ZSWIM5: variants seen among roughly 807,000 people sequenced by gnomAD.
The protein encoded by ZSWIM5 is zinc finger SWIM-type containing 5.
In ZSWIM5, 55 loss-of-function variants were observed where a neutral mutation model predicts 119.6. The ratio of observed to expected loss-of-function variants is 0.46; its 90% CI spans 0.37 to 0.58. The LOEUF is 0.58. Among genes scored for constraint, ZSWIM5 ranks in the 20% least tolerant of loss-of-function variants. The pLI is 0.00. For missense variants in ZSWIM5, 1,193 were observed against 1,512.8 expected (o/e 0.79, Z 3.51); for synonymous variants, 537 against 606.9 (o/e 0.88, Z 1.69).
At chr1:45,073,700 C>T (rs1334753617) in intron 2 of ZSWIM5, among the ~76,000 whole-genome samples, 1 of 151,790 alleles carries the variant, frequency 6.6e-6, no homozygotes, top group African/African-American at 2.4e-5. Flanking sequence ...TGACTTCTTC[C>T]TTTCCAATTT....
At chr1:45,174,897 TG>T (rs2149046522) in intron 1 of ZSWIM5, among the ~76,000 whole-genome samples, 1 of 152,228 alleles carries the variant, frequency 6.6e-6, no homozygotes, top group Admixed American at 6.5e-5. Context: ...ACTTTTTTTG[TG>T]TATTTCCTTC....
intron 1 of ZSWIM5, among the ~76,000 whole-genome samples, chr1:45,164,413 C>T (rs1165208031): frequency 9.9e-5 from 15 of 151,990 alleles, no homozygotes; most frequent in African/African-American, 2.9e-4. Context: ...CTACATCAAC[C>T]AACAAGCAAA....
chr1:45,148,288 G>A (rs1248061107), intron 1 of ZSWIM5, among the ~76,000 whole-genome samples: 1 of 151,994 alleles, frequency 6.6e-6, no homozygotes, highest in Non-Finnish European at 1.5e-5. Context: ...ATCAAAATTA[G>A]GCCTTCAAAG....
chr1:45,150,589 G>C (rs1049683900), intron 1 of ZSWIM5, among the ~76,000 whole-genome samples: 5 of 152,040 alleles, frequency 3.3e-5, no homozygotes, highest in African/African-American at 1.2e-4. Context: ...CCACCTTCCA[G>C]CTCCCCTTTC....
At chr1:45,201,971 A>G (rs1646160844) in intron 1 of ZSWIM5, among the ~76,000 whole-genome samples, 1 of 152,140 alleles carries the variant, frequency 6.6e-6, no homozygotes, top group African/African-American at 2.4e-5. Flanking sequence ...ACAAGCACTT[A>G]TTGAACATTA....
At position 45,043,234 on chromosome 1, in the gene ZSWIM5, G is replaced by T; in HGVS notation, c.1594C>A (p.Gln532Lys). 2 of 1,613,674 alleles carry T rather than the reference G, an allele frequency of 1.2e-6. No individual in the cohort carries two copies. The highest frequency in any genetic ancestry group is 1.7e-6 in the Non-Finnish European group (2 of 1,179,920). ...SERLLFNSQG[Q>K]PLWLEHVPTA... ...CTAGACTTACCAAGCCACAGTGGCT[G>T]GCCTTGGGAATTAAAGAGTAGTCTT... The change falls in exon 6 of 14, where the codon CAG becomes AAG. Residue 532 changes from glutamine to lysine, a missense_variant. By Grantham distance (53) the Gln-to-Lys change is moderately conservative (BLOSUM62 1). Transcript: ENST00000359600.
intron 1 of ZSWIM5, among the ~76,000 whole-genome samples, chr1:45,089,150 T>C (rs2149012145): frequency 6.6e-6 from 1 of 152,220 alleles, no homozygotes; most frequent in South Asian, 2.1e-4. Context: ...GTGACTCATT[T>C]TTGTATTTTT....
intron 1 of ZSWIM5, among the ~76,000 whole-genome samples, chr1:45,091,239 C>A (rs527252917): frequency 6.6e-6 from 1 of 152,124 alleles, no homozygotes; most frequent in African/African-American, 2.4e-5. Context: ...TAATTTCCCT[C>A]GGGCCATTCA....
chr1:45,085,672 A>G (rs1250775774), intron 2 of ZSWIM5, among the ~76,000 whole-genome samples: 1 of 151,962 alleles, frequency 6.6e-6, no homozygotes, highest in Non-Finnish European at 1.5e-5. Context: ...CACAGATCCC[A>G]AGGGCAGGGG....
intron 1 of ZSWIM5, among the ~76,000 whole-genome samples, chr1:45,175,766 AC>A (rs995736895): frequency 1.3e-5 from 2 of 151,550 alleles, no homozygotes; most frequent in African/African-American, 4.9e-5. Flanking sequence ...AAAAAAAAAA[AC>A]CATTGACACA....
chr1:45,122,646 A>G (rs1298169487), intron 1 of ZSWIM5, among the ~76,000 whole-genome samples: 1 of 152,208 alleles, frequency 6.6e-6, no homozygotes, highest in Non-Finnish European at 1.5e-5. Context: ...GGAGGTGTGA[A>G]TAAGCCTGCA....
intron 1 of ZSWIM5, among the ~76,000 whole-genome samples, chr1:45,127,985 G>C (rs145754641): frequency 1.3e-5 from 2 of 152,130 alleles, no homozygotes; most frequent in Admixed American, 6.5e-5. Context: ...AGAAAACATA[G>C]ATCTAAATAA....
At chr1:45,203,344 T>C (rs1646168970) in intron 1 of ZSWIM5, among the ~76,000 whole-genome samples, 2 of 151,986 alleles carry the variant, frequency 1.3e-5, no homozygotes, top group African/African-American at 4.8e-5. Flanking sequence ...TGAAGGCTTT[T>C]TTGTTTGTGC....
intron 11 of ZSWIM5, among the ~76,000 whole-genome samples, chr1:45,026,921 C>A (rs1290244198): frequency 6.6e-6 from 1 of 151,544 alleles, no homozygotes; most frequent in African/African-American, 2.4e-5. Context: ...TTATTTATTT[C>A]TCCTTCTGTG....
At chr1:45,123,765 CCCCAAAGAGGATTATA>C in intron 1 of ZSWIM5, among the ~76,000 whole-genome samples, 1 of 152,196 alleles carries the variant, frequency 6.6e-6, no homozygotes, top group South Asian at 2.1e-4. Flanking sequence ...GCTGAATAAA[CCCCAAAGAGGATTATA>C]CCCAAAGAAA....
At chr1:45,097,008 T>C (rs1445740587) in intron 1 of ZSWIM5, among the ~76,000 whole-genome samples, 1 of 152,212 alleles carries the variant, frequency 6.6e-6, no homozygotes, top group East Asian at 1.9e-4. Context: ...CACAGGCTCC[T>C]AACAACCAAG....
At chr1:45,205,726 G>T in intron 1 of ZSWIM5, 30 bp downstream of exon 1, 1 of 1,520,288 alleles carries the variant, frequency 6.6e-7, no homozygotes, top group East Asian at 2.7e-5. Context: ...AGGAGGCTGA[G>T]GACCCGAGAA....
intron 1 of ZSWIM5, among the ~76,000 whole-genome samples, chr1:45,155,702 A>G (rs1645822980): frequency 6.6e-6 from 1 of 152,242 alleles, no homozygotes; most frequent in African/African-American, 2.4e-5. Context: ...ACACGCAGCC[A>G]TAAAAAGGAA....
chr1:45,039,153 C>A (rs1645003721), intron 7 of ZSWIM5, 80 bp from the exon 8 acceptor site: 2 of 1,524,334 alleles, frequency 1.3e-6, no homozygotes, highest in African/African-American at 2.7e-5. Flanking sequence ...TCTTATCAGT[C>A]TCTCCAGCCT....
Sources: gnomAD v4.1 joint callset for allele counts (sites outside exome capture counted in the v4.1 genomes callset) on GRCh38, gnomAD v4.1.1 for gene constraint, MANE v1.5 for transcripts, NCBI Gene and HGNC (gene_info 2026-07-23, HGNC 2026-07-21) for gene names.